The following SNRNP35 variants were observed in gnomAD, a reference collection of about 807,000 sequenced individuals.
SNRNP35 encodes U11/U12 small nuclear ribonucleoprotein 35 kDa protein.
Under a neutral mutation model 24.3 loss-of-function variants are expected in SNRNP35, and 16 were observed. The ratio of observed to expected loss-of-function variants is 0.66; its 90% confidence interval spans 0.45 to 1.00. The LOEUF (loss-of-function observed/expected upper bound fraction) is 1.00. Ranked by LOEUF, SNRNP35 falls within the 50% of genes least tolerant of loss-of-function variation. The pLI is 0.00. For missense variants in SNRNP35, 292 were observed against 327.2 expected (o/e 0.89, Z 0.83); for synonymous variants, 106 against 124.8 (o/e 0.85, Z 1.00).
downstream of SNRNP35, chr12:123,471,676 A>G (rs890451083): frequency 6.6e-6 from 1 of 152,232 alleles, no homozygotes; most frequent in Admixed American, 6.6e-5. Context: ...GCCCTCCTGC[A>G]TTGCCTAGGA....
chr12:123,461,130 T>G (rs1880598965), intron 1 of SNRNP35, among the ~76,000 whole-genome samples: 1 of 148,832 alleles, frequency 6.7e-6, no homozygotes, highest in African/African-American at 2.5e-5. Flanking sequence ...TTTCTTTTTT[T>G]TTTGAGACGG....
intron 1 of SNRNP35, chr12:123,459,883 G>A (rs1483911642): frequency 6.3e-7 from 1 of 1,593,588 alleles, no homozygotes; most frequent in Non-Finnish European, 8.6e-7. Context: ...AGATTAATGA[G>A]AAACAATGAA....
In SNRNP35 at chr12:123,465,085, G is replaced by A. The variant is rs1880871363; in HGVS notation, c.-3-453G>A. On this transcript the variant is annotated intron_variant, in intron 1 of 1. Transcript: ENST00000526639. The surrounding 1 kb of genome is among the most constrained non-coding windows in gnomAD (Gnocchi z 4.2). ...GGGTTATTATATGATTCTCTATGTT[G>A]GTATTTGATATTCTTGGTAGTAGAG... Among the ~76,000 whole-genome samples the A allele has an allele frequency of 6.6e-6, 1 of 152,104 alleles. No individual in the cohort carries two copies. The highest frequency in any genetic ancestry group is 6.6e-5 in the Admixed American group (1 of 15,256).
At chr12:123,463,833 C>T (rs1043300445) in intron 1 of SNRNP35, among the ~76,000 whole-genome samples, 11 of 149,914 alleles carry the variant, frequency 7.3e-5, no homozygotes, top group African/African-American at 2.5e-4. Flanking sequence ...GGTGTAATCT[C>T]GGCTCACTGC....
rs1593517819 is a variant in SNRNP35 at position 123,466,353 on chromosome 12, C to CG, written c.*73dup. 9.2e-5 allele frequency: 131 copies of CG among 1,419,228 alleles called. 2 individuals are homozygous for CG. The East Asian group carries it at 3.0e-3, about 33-fold the overall frequency. The allele number at this position is 1,419,228 out of a possible 1,614,324, so 87.9% of individuals were successfully genotyped here. A position where few individuals can be genotyped will look rare whatever the true frequency, so the allele number is the denominator to read the frequency against. ...GGAGGGGGATTGTCTTTCAACGCAG[C>CG]GTGAGTCTAATGGTTGAATAAAACT... On this transcript the variant is annotated 3_prime_UTR_variant, in exon 2 of 2. Transcript: ENST00000526639.
chr12:123,466,557 T>C lies in SNRNP35; in HGVS notation c.*276T>C, dbSNP rs1213583533. On this transcript the variant is annotated 3_prime_UTR_variant, in exon 2 of 2. Transcript: ENST00000526639. ...AGGGCATTTTCTTTTCTTTTCTTTT[T>C]TTTTTTTTTGAGACAGAGTCTCACT... 8 of 266,236 alleles carry C rather than the reference T, an allele frequency of 3.0e-5. No homozygotes were observed. Among genetic ancestry groups the C allele is most frequent in the Middle Eastern group, 1.1e-3 (1 of 932 alleles). The allele number at this position is 266,236 out of a possible 1,614,324, so 16.5% of individuals were successfully genotyped here. A position where few individuals can be genotyped will look rare whatever the true frequency, so the allele number is the denominator to read the frequency against.
chr12:123,464,182 C>T (rs1880807276), intron 1 of SNRNP35, among the ~76,000 whole-genome samples: 1 of 151,480 alleles, frequency 6.6e-6, no homozygotes, highest in African/African-American at 2.4e-5. Flanking sequence ...ATCCACCTGC[C>T]TCAGCCTCCT....
At position 123,465,840 on chromosome 12, in the gene SNRNP35, G is replaced by A. The variant is rs777712275; in HGVS notation, c.300G>A (p.Lys100=). ...FSKGYAFIEY[K]EERAVIKAYR... The stretch of plus-strand genomic sequence containing the variant: ...AGGGCTACGCCTTCATCGAATACAA[G>A]GAGGAGCGTGCCGTGATCAAAGCTT... Residue 100 remains lysine (K), a synonymous_variant, in exon 2 of 2, where the codon AAG becomes AAA. Transcript: ENST00000526639. The surrounding 1 kb of genome is among the most constrained non-coding windows in gnomAD (Gnocchi z 4.2). The A allele has an allele frequency of 3.7e-6, 6 of 1,614,082 alleles. No individual in the cohort carries two copies. In the Admixed American group the frequency reaches 8.3e-5, roughly 22 times the overall value.
At chr12:123,458,632 G>A (rs1880422619) in intron 1 of SNRNP35, among the ~76,000 whole-genome samples, 2 of 139,160 alleles carry the variant, frequency 1.4e-5, no homozygotes, top group South Asian at 4.5e-4. Context: ...GTCTTGCTCT[G>A]TCGCCCGGGC....
chr12:123,470,858 A>G (rs1881158376), downstream of SNRNP35: 2 of 152,184 alleles, frequency 1.3e-5, no homozygotes, highest in Non-Finnish European at 2.9e-5. Flanking sequence ...TGGAAGGGCA[A>G]CAAAGGTGGC....
At position 123,466,057 on chromosome 12, in the gene SNRNP35, A is replaced by G; in HGVS notation, c.517A>G (p.Asn173Asp). ...ACCTATTAACTTGCCAGTTGTTAAA[A>G]ACGACCTCTATAGAGAGGGAAAACG... is the stretch of plus-strand genomic sequence containing the variant. ...RKPINLPVVK[N>D]DLYREGKRER... is the part of the protein sequence containing the mutation. The change falls in exon 2 of 2, where the codon AAC becomes GAC. Residue 173 changes from asparagine (N) to aspartate (D), a missense_variant. By Grantham distance (23) the Asn-to-Asp change is conservative. Coordinates refer to ENST00000526639, the MANE Select transcript of SNRNP35 (RefSeq NM_022717.4). 2 of 1,614,130 alleles carry G rather than the reference A, an allele frequency of 1.2e-6. No individual in the cohort carries two copies. Among genetic ancestry groups the G allele is most frequent in the Non-Finnish European group, 1.7e-6 (2 of 1,180,026 alleles).
downstream of SNRNP35, among the ~76,000 whole-genome samples, chr12:123,467,216 C>T (rs1373266892): frequency 6.6e-6 from 1 of 152,234 alleles, no homozygotes; most frequent in Non-Finnish European, 1.5e-5. Flanking sequence ...TACCAGAAGG[C>T]AGTCTGCACA....
rs1880890171 is a variant in SNRNP35 at position 123,465,413 on chromosome 12, GTTCCC to G, written c.-3-120_-3-116del. ...CAGGGAGGACTTAGCCTCTGTGGGT[GTTCCC>G]TTCCTTTCCTGTTTTTAAGAAGAGG... is the stretch of plus-strand genomic sequence containing the variant. On this transcript the variant is annotated intron_variant, in intron 1 of 1. Transcript: ENST00000526639. The surrounding 1 kb of genome is among the most constrained non-coding windows in gnomAD (Gnocchi z 4.2). The G allele has an allele frequency of 2.5e-6, 3 of 1,188,864 alleles. No homozygotes were observed. The highest frequency in any genetic ancestry group is 3.1e-5 in the African/African-American group (2 of 65,012). The allele number at this position is 1,188,864 out of a possible 1,614,324, so 73.6% of individuals were successfully genotyped here. A position where few individuals can be genotyped will look rare whatever the true frequency, so the allele number is the denominator to read the frequency against.
At chr12:123,463,696 G>A (rs544960675) in intron 1 of SNRNP35, among the ~76,000 whole-genome samples, 1 of 151,722 alleles carries the variant, frequency 6.6e-6, no homozygotes, top group African/African-American at 2.4e-5. Flanking sequence ...TACCGCGCTC[G>A]CCAGTTTTGT....
intron 1 of SNRNP35, among the ~76,000 whole-genome samples, chr12:123,458,745 G>A (rs1024709893): frequency 4.0e-5 from 6 of 151,432 alleles, no homozygotes; most frequent in African/African-American, 1.2e-4. Flanking sequence ...ACAGGCGCCC[G>A]CCACCACGCC....
At chr12:123,460,704 G>A (rs1880566273) in intron 1 of SNRNP35, among the ~76,000 whole-genome samples, 1 of 150,982 alleles carries the variant, frequency 6.6e-6, no homozygotes, top group Admixed American at 6.6e-5. Context: ...AGCCATGACT[G>A]TGCCACTGTA....
chr12:123,469,477 C>T (rs1258169252), downstream of SNRNP35, among the ~76,000 whole-genome samples: 2 of 151,546 alleles, frequency 1.3e-5, no homozygotes, highest in Non-Finnish European at 1.5e-5. Flanking sequence ...CTTATGTACT[C>T]ATATGGAGTT....
intron 1 of SNRNP35, among the ~76,000 whole-genome samples, chr12:123,458,771 A>G (rs1275306720): frequency 2.0e-5 from 3 of 150,122 alleles, no homozygotes; most frequent in South Asian, 2.1e-4. Context: ...AATTTTTTGT[A>G]TTTTACTGGA....
chr12:123,459,513 C>G (rs1344830468), intron 1 of SNRNP35: 3 of 191,344 alleles, frequency 1.6e-5, no homozygotes, highest in Non-Finnish European at 2.1e-5. Flanking sequence ...GAGGCCCAGG[C>G]GCGGTGGTTC....
Sources: allele counts gnomAD v4.1 joint callset (sites outside exome capture counted in the v4.1 genomes callset), GRCh38; gene constraint gnomAD v4.1.1; non-coding constraint Gnocchi (gnomAD v3.1); transcripts MANE v1.5; gene names NCBI Gene and HGNC (gene_info 2026-07-23, HGNC 2026-07-21).